RAP1GAP2: variants seen among roughly 807,000 people sequenced by gnomAD.
RAP1GAP2 encodes RAP1 GTPase activating protein 2.
In RAP1GAP2, 27 loss-of-function variants were observed where a neutral mutation model predicts 95.0. The observed-to-expected ratio is 0.28, with a 90% CI of 0.21 to 0.39. The LOEUF is 0.39. Ranked by LOEUF, RAP1GAP2 falls within the 10% of genes least tolerant of loss-of-function variation. RAP1GAP2 has a pLI of 1.00. For synonymous variants in RAP1GAP2, 373 were observed against 380.9 expected, an observed-to-expected ratio of 0.98 and a Z score of 0.24; for missense variants, 771 against 970.0, an observed-to-expected ratio of 0.79 and a Z score of 2.72.
chr17:2,877,288 G>A (rs1372614929), intron 2 of RAP1GAP2, among the ~76,000 whole-genome samples: 2 of 152,222 alleles, frequency 1.3e-5, no homozygotes, highest in East Asian at 1.9e-4. Flanking sequence ...TCTCCACCAC[G>A]GTCTTTTGAG....
intron 3 of RAP1GAP2, among the ~76,000 whole-genome samples, chr17:2,921,825 C>G (rs1236852106): frequency 1.3e-5 from 2 of 152,302 alleles, no homozygotes; most frequent in East Asian, 3.9e-4. Flanking sequence ...TCTTCCAGCG[C>G]CTGGTGGCTC....
intron 3 of RAP1GAP2, among the ~76,000 whole-genome samples, chr17:2,907,378 G>C (rs17835089): frequency 0.045 from 6,836 of 152,306 alleles, 225 homozygotes; most frequent in South Asian, 0.12. Flanking sequence ...GCCAGGCCCA[G>C]TGCTCGGTTC....
intron 2 of RAP1GAP2, among the ~76,000 whole-genome samples, chr17:2,849,999 C>CTTTT (rs5818878): frequency 7.5e-6 from 1 of 132,538 alleles, no homozygotes; most frequent in Non-Finnish European, 1.6e-5. Flanking sequence ...ACACTGCCTG[C>CTTTT]TTTTTTTTTT....
intron 2 of RAP1GAP2, among the ~76,000 whole-genome samples, chr17:2,809,633 AC>A (rs758653195): frequency 1.3e-5 from 2 of 152,160 alleles, no homozygotes; most frequent in Non-Finnish European, 2.9e-5. Context: ...GGGAAGACTC[AC>A]GGTCCTGTGG....
chr17:2,850,544 C>T (rs184753104), intron 2 of RAP1GAP2, among the ~76,000 whole-genome samples: 2 of 149,254 alleles, frequency 1.3e-5, no homozygotes, highest in East Asian at 2.1e-4. Context: ...GTCAGGAGAT[C>T]GAGACCATCC....
intron 3 of RAP1GAP2, among the ~76,000 whole-genome samples, chr17:2,936,166 T>C (rs536149931): frequency 2.6e-5 from 4 of 151,682 alleles, no homozygotes; most frequent in African/African-American, 9.7e-5. Flanking sequence ...TGCAGGTTTG[T>C]TACATATGTA....
At chr17:2,900,364 AATC>A (rs562514636) in intron 2 of RAP1GAP2, among the ~76,000 whole-genome samples, 5 of 151,172 alleles carry the variant, frequency 3.3e-5, no homozygotes, top group African/African-American at 1.2e-4. Context: ...TATGAGTTAT[AATC>A]ATCATCATCA....
intron 8 of RAP1GAP2, among the ~76,000 whole-genome samples, chr17:2,972,367 C>T (rs988209830): frequency 4.6e-5 from 7 of 151,542 alleles, no homozygotes; most frequent in Admixed American, 4.6e-4. Context: ...CGGTGGCTCA[C>T]GCCTGTAATC....
chr17:2,936,605 G>C (rs975837673), intron 3 of RAP1GAP2, among the ~76,000 whole-genome samples: 1 of 152,030 alleles, frequency 6.6e-6, no homozygotes, highest in African/African-American at 2.4e-5. Flanking sequence ...CCCTCCCCCG[G>C]TGCCCCAAAA....
At chr17:3,014,238 C>T (rs555908348) in intron 17 of RAP1GAP2, among the ~76,000 whole-genome samples, 8 of 152,196 alleles carry the variant, frequency 5.3e-5, no homozygotes, top group South Asian at 2.1e-4. Flanking sequence ...CTAGGACACA[C>T]GTCGGCTATA....
rs546729296 is a variant in RAP1GAP2 at position 3,034,127 on chromosome 17, G to A, written c.*766G>A. On this transcript the variant is annotated 3_prime_UTR_variant, in exon 25 of 25. Coordinates refer to ENST00000254695, the MANE Select transcript of RAP1GAP2 (RefSeq NM_015085.5). This position sits in a 1 kb window ranked among gnomAD's most constrained non-coding sequence, Gnocchi z 5.1. ...AGGCGGGGACTTTGGGTCCCACCCG[G>A]TTTCTCCTGATTATGGCTGCTGTGG... 2 of 155,598 alleles carry A rather than the reference G, an allele frequency of 1.3e-5. No individual in the cohort carries two copies. Among genetic ancestry groups the A allele is most frequent in the Admixed American group, 6.5e-5 (1 of 15,316 alleles). 9.6% of individuals were successfully genotyped at this position (155,598 alleles called of 1,614,324 possible).
chr17:2,944,585 C>T (rs73976730), intron 3 of RAP1GAP2, among the ~76,000 whole-genome samples: 3,515 of 152,286 alleles, frequency 0.023, 143 homozygotes, highest in African/African-American at 0.079. Flanking sequence ...CACCTTTGAC[C>T]TTCCTCTTTA....
rs4790407 is a variant in RAP1GAP2 at position 3,004,907 on chromosome 17, G to A, written c.1201-462G>A. Among the ~76,000 whole-genome samples the A allele has an allele frequency of 0.096, 14,673 of 152,234 alleles. 865 individuals are homozygous for A. Among genetic ancestry groups the A allele is most frequent in the East Asian group, 0.28 (1,457 of 5,178 alleles). ...GGGAAGAGAACCCCAGAGACGGGTC[G>A]GGAGAGGTCTGGATGCTCTGTTCCT... On this transcript the variant is annotated intron_variant, in intron 14 of 24. Transcript: ENST00000254695. The surrounding 1 kb of genome is among the most constrained non-coding windows in gnomAD (Gnocchi z 4.1).
chr17:2,847,348 G>A, intron 2 of RAP1GAP2, among the ~76,000 whole-genome samples: 1 of 152,162 alleles, frequency 6.6e-6, no homozygotes. Flanking sequence ...GGAGGCGTTT[G>A]AGAGAAATCT....
intron 11 of RAP1GAP2, among the ~76,000 whole-genome samples, chr17:2,988,509 T>A (rs917314705): frequency 6.6e-6 from 1 of 152,226 alleles, no homozygotes; most frequent in Admixed American, 6.5e-5. Context: ...TTTTTTCCAG[T>A]CAGCAAGATT....
rs3039128 is a variant in RAP1GAP2, at chr17:2,889,889, A to ATTTTTTTTTTT, written c.81-15390_81-15380dup. ...TATATATATATATATATATATATAT[A>ATTTTTTTTTTT]TTTTTTTTTTTTTTTGTAGAGATGG... is the stretch of plus-strand genomic sequence containing the variant. On this transcript the variant is annotated intron_variant, in intron 2 of 24. Transcript: ENST00000254695. Among the ~76,000 whole-genome samples the ATTTTTTTTTTT allele has an allele frequency of 1.1e-3, 61 of 57,316 alleles. 2 individuals carry two copies. Among genetic ancestry groups the ATTTTTTTTTTT allele is most frequent in the Non-Finnish European group, 1.6e-3 (51 of 32,542 alleles). 37.6% of individuals were successfully genotyped at this position (57,316 alleles called of 152,430 possible). A position where few individuals can be genotyped will look rare whatever the true frequency, so the allele number is the denominator to read the frequency against.
At chr17:2,864,966 C>T (rs1225492136) in intron 2 of RAP1GAP2, among the ~76,000 whole-genome samples, 1 of 152,200 alleles carries the variant, frequency 6.6e-6, no homozygotes, top group African/African-American at 2.4e-5. Context: ...GGTACTTATG[C>T]TTCACTTACC....
At chr17:2,927,264 C>T (rs1294726169) in intron 3 of RAP1GAP2, among the ~76,000 whole-genome samples, 1 of 151,924 alleles carries the variant, frequency 6.6e-6, no homozygotes, top group Non-Finnish European at 1.5e-5. Context: ...GGCCGTTCTC[C>T]TGCCTCAGCC....
chr17:2,840,111 A>G (rs2071307125), intron 2 of RAP1GAP2, among the ~76,000 whole-genome samples: 1 of 151,794 alleles, frequency 6.6e-6, no homozygotes, highest in Non-Finnish European at 1.5e-5. Flanking sequence ...TGGCTGAGAT[A>G]GTGTTTTGTC....
Sources: allele counts gnomAD v4.1 joint callset (sites outside exome capture counted in the v4.1 genomes callset), GRCh38; gene constraint gnomAD v4.1.1; non-coding constraint Gnocchi (gnomAD v3.1); transcripts MANE v1.5; gene names NCBI Gene and HGNC (gene_info 2026-07-23, HGNC 2026-07-21).